GP6: variants seen among roughly 807,000 people sequenced by gnomAD.
The protein encoded by GP6 is platelet glycoprotein VI.
In GP6, 45 loss-of-function variants were observed where a neutral mutation model predicts 37.3. The observed-to-expected ratio is 1.21, with a 90% CI of 0.95 to 1.55. The LOEUF is 1.55. Among genes scored for constraint, GP6 ranks in the 40% most tolerant of loss-of-function variants. GP6 has a pLI of 0.00. For synonymous variants in GP6, 340 were observed against 316.4 expected (o/e 1.07, Z -0.79); for missense variants, 813 against 760.2 (o/e 1.07, Z -0.82).
At chr19:55,031,687 T>C (rs942854551) in intron 3 of GP6, among the ~76,000 whole-genome samples, 5 of 152,078 alleles carry the variant, frequency 3.3e-5, no homozygotes, top group Non-Finnish European at 7.4e-5. Context: ...GAAGCCAAGG[T>C]GGAAGGATAG....
chr19:55,020,134 G>A (rs575693827), intron 5 of GP6, among the ~76,000 whole-genome samples: 62 of 151,776 alleles, frequency 4.1e-4, no homozygotes, highest in African/African-American at 1.4e-3. Context: ...CTCAGCTCTC[G>A]GTGGCATAAT....
intron 4 of GP6, among the ~76,000 whole-genome samples, chr19:55,026,608 A>G (rs543151272): frequency 4.0e-5 from 6 of 151,660 alleles, no homozygotes; most frequent in African/African-American, 1.5e-4. Flanking sequence ...AATGGTAGTC[A>G]AGTCCGACGC....
rs1181102852 is a variant in GP6 at position 55,021,236 on chromosome 19, C to T, written c.665-2525G>A. Among the ~76,000 whole-genome samples, 30 of 146,134 alleles carry T rather than the reference C, an allele frequency of 2.1e-4. No homozygotes were observed. In the East Asian group the frequency reaches 5.3e-3, roughly 26 times the overall value. The stretch of plus-strand genomic sequence containing the variant: ...AAAAAAAGCCAGGCATGGTGGCAGG[C>T]GCCTGTAGTCCCAGTTACTTAGGAG... On this transcript the variant is annotated intron_variant, in intron 5 of 7. Coordinates refer to ENST00000310373, the MANE Select transcript of GP6 (RefSeq NM_001083899.2).
In GP6 at chr19:55,014,288, T is replaced by C. The variant is rs201681535; in HGVS notation, c.1657A>G (p.Asn553Asp). The change falls in exon 8 of 8, where the codon AAC becomes GAC. Residue 553 changes from asparagine to aspartate, a missense_variant. Asn to Asp is a conservative substitution (Grantham distance 23). Coordinates refer to ENST00000310373, the MANE Select transcript of GP6 (RefSeq NM_001083899.2). The stretch of plus-strand genomic sequence containing the variant: ...CTGGCTAATTTTTGTGTTTTTTTGT[T>C]TTGTTGGTAGAGATGAGGTTTCACC... 99 of 1,414,268 alleles carry C rather than the reference T, an allele frequency of 7.0e-5. No individual in the cohort carries two copies. Among genetic ancestry groups the C allele is most frequent in the Non-Finnish European group, 9.8e-5 (98 of 1,002,840 alleles). 87.6% of individuals were successfully genotyped at this position (1,414,268 alleles called of 1,614,324 possible).
chr19:55,037,265 C>G (rs550398862), intron 1 of GP6, among the ~76,000 whole-genome samples: 62 of 152,150 alleles, frequency 4.1e-4, no homozygotes, highest in Non-Finnish European at 6.3e-4. Flanking sequence ...CATCAGGAGA[C>G]TATTTACTCC....
chr19:55,018,925 G>T (rs992391481), intron 5 of GP6: 13 of 608,890 alleles, frequency 2.1e-5, no homozygotes, highest in Non-Finnish European at 2.9e-5. Context: ...TAGACACTTG[G>T]TTTTTTTTCC....
rs765268240 is a variant in GP6 at position 55,014,510 on chromosome 19, G to T, written c.1435C>A (p.Pro479Thr). The change falls in exon 8 of 8, where the codon CCT becomes ACT. Residue 479 changes from proline (P) to threonine (T), a missense_variant. Coordinates refer to ENST00000310373, the MANE Select transcript of GP6 (RefSeq NM_001083899.2). ...GGGAAAACCAGACAAGAGCACAGAG[G>T]GCCAAAGGGAAGCACGGGAGGATTT... 3 of 1,614,016 alleles carry T rather than the reference G, an allele frequency of 1.9e-6. No homozygotes were observed. Among genetic ancestry groups the T allele is most frequent in the Admixed American group, 3.3e-5 (2 of 60,010 alleles).
At chr19:55,019,675 T>TCTC in intron 5 of GP6, among the ~76,000 whole-genome samples, 1 of 128,272 alleles carries the variant, frequency 7.8e-6, no homozygotes, top group Admixed American at 7.8e-5. Flanking sequence ...ATTTTCTTTT[T>TCTC]TTCTTTTTTT....
chr19:55,019,867 AT>A (rs1262670350), intron 5 of GP6, among the ~76,000 whole-genome samples: 1 of 149,810 alleles, frequency 6.7e-6, no homozygotes, highest in East Asian at 2.1e-4. Flanking sequence ...TTCAGTAGAG[AT>A]GGGGTTTCAC....
In GP6 at chr19:55,032,931, C is replaced by CGCGGTGGGCTTGTTCGTGTT. The variant is rs1568640762; in HGVS notation, c.35-394_35-393insAACACGAACAAGCCCACCGC. 3 of 280,970 alleles carry CGCGGTGGGCTTGTTCGTGTT rather than the reference C, an allele frequency of 1.1e-5. 1 individual carries two copies. The highest frequency in any genetic ancestry group is 2.0e-5 in the Non-Finnish European group (3 of 150,640). 17.4% of individuals were successfully genotyped at this position (280,970 alleles called of 1,614,324 possible). A position where few individuals can be genotyped will look rare whatever the true frequency, so the allele number is the denominator to read the frequency against. ...ACACGGTGGGCTCGTTCGTGTTAGACACGGTGGGCTCGTTCGTGTTAGACA... is the reference window on the plus strand; with the variant it reads ...ACACGGTGGGCTCGTTCGTGTTAGACGCGGTGGGCTTGTTCGTGTTACGGTGGGCTCGTTCGTGTTAGACA... On this transcript the variant is annotated intron_variant, in intron 1 of 7. Transcript: ENST00000310373.
At chr19:55,015,646 G>A in intron 7 of GP6, 37 bp downstream of exon 7, 3 of 1,335,170 alleles carry the variant, frequency 2.2e-6, no homozygotes, top group Non-Finnish European at 3.2e-6. Context: ...AGAGACGGGT[G>A]AGAAGGAAGG....
intron 1 of GP6, among the ~76,000 whole-genome samples, chr19:55,036,623 T>C (rs918779027): frequency 3.9e-5 from 6 of 152,096 alleles, no homozygotes; most frequent in Admixed American, 1.3e-4. Flanking sequence ...TGGTTGAGCC[T>C]GGGAGGTTGA....
At chr19:55,025,929 G>A (rs1193865963) in intron 4 of GP6, among the ~76,000 whole-genome samples, 1 of 146,502 alleles carries the variant, frequency 6.8e-6, no homozygotes, top group Non-Finnish European at 1.5e-5. Flanking sequence ...TTAAACCCAG[G>A]AGGTGGAGGT....
intron 6 of GP6, among the ~76,000 whole-genome samples, chr19:55,018,101 G>T (rs1351643572): frequency 6.6e-6 from 1 of 152,070 alleles, no homozygotes; most frequent in Non-Finnish European, 1.5e-5. Context: ...GTGGGATCAG[G>T]TGCCTCATGA....
At chr19:55,024,125 T>G (rs947240708) in intron 5 of GP6, among the ~76,000 whole-genome samples, 1 of 152,212 alleles carries the variant, frequency 6.6e-6, no homozygotes, top group Non-Finnish European at 1.5e-5. Flanking sequence ...TGTACTCTAA[T>G]TACGTAAGAT....
intron 5 of GP6, among the ~76,000 whole-genome samples, chr19:55,020,205 C>CT (rs71181725): frequency 7.5e-4 from 84 of 111,512 alleles, no homozygotes; most frequent in African/African-American, 2.2e-3. Flanking sequence ...ATTAATAAAC[C>CT]TTTTTTTTTT....
intron 5 of GP6, among the ~76,000 whole-genome samples, chr19:55,024,262 ACATATG>A (rs2074188228): frequency 1.4e-5 from 2 of 147,772 alleles, no homozygotes; most frequent in South Asian, 2.1e-4. Flanking sequence ...GCACACGCAC[ACATATG>A]CACGCATGCA....
rs767613010 is a variant in GP6, at chr19:55,032,316, C to T, written c.148G>A (p.Gly50Arg). 7 of 1,614,134 alleles carry T rather than the reference C, an allele frequency of 4.3e-6. No homozygotes were observed. Among genetic ancestry groups the T allele is most frequent in the Admixed American group, 1.7e-5 (1 of 60,032 alleles). Residue 50 changes from glycine to arginine, a missense_variant, in exon 3 of 8, where the codon GGA (glycine) becomes AGA (arginine). Gly to Arg is a moderately radical substitution (Grantham distance 125). Transcript: ENST00000310373. ...CGGTACAGGTCCACGCCCGGAGGTC[C>T]CTGGCACCGGAGGGTCACTGGCTTC... is the stretch of plus-strand genomic sequence containing the variant.
intron 1 of GP6, among the ~76,000 whole-genome samples, chr19:55,035,671 C>A (rs921737386): frequency 1.5e-4 from 23 of 151,592 alleles, no homozygotes; most frequent in African/African-American, 5.3e-4. Context: ...GAGCCAACGT[C>A]ATGCCACTGC....
Sources: gnomAD v4.1 joint callset for allele counts (sites outside exome capture counted in the v4.1 genomes callset) on GRCh38, gnomAD v4.1.1 for gene constraint, MANE v1.5 for transcripts, NCBI Gene and HGNC (gene_info 2026-07-23, HGNC 2026-07-21) for gene names.